Variants in RIPOR2 observed in about 807,000 individuals in gnomAD.
The protein encoded by RIPOR2 is RHO family interacting cell polarization regulator 2.
Under a neutral mutation model 114.5 loss-of-function variants are expected in RIPOR2, and 39 were observed. The ratio of observed to expected loss-of-function variants is 0.34; its 90% CI spans 0.26 to 0.44. The LOEUF (loss-of-function observed/expected upper bound fraction) is 0.44. Ranked by LOEUF, RIPOR2 falls within the 20% of genes least tolerant of loss-of-function variation. The probability of loss-of-function intolerance (pLI) is 1.00; values close to 1 mark genes in which losing one functional copy is unlikely to be tolerated. For synonymous variants in RIPOR2, 445 were observed against 484.4 expected (o/e 0.92, Z 1.07); for missense variants, 1,007 against 1,255.1 (o/e 0.80, Z 2.99).
At chr6:24,949,375 A>G (rs1772628378) in intron 1 of RIPOR2, among the ~76,000 whole-genome samples, 1 of 152,238 alleles carries the variant, frequency 6.6e-6, no homozygotes, top group African/African-American at 2.4e-5. Flanking sequence ...GTGTTTTTAC[A>G]GCAGATTTTA....
intron 21 of RIPOR2, among the ~76,000 whole-genome samples, chr6:24,806,871 C>T (rs9358800): frequency 0.31 from 46,596 of 152,018 alleles, 7,968 homozygotes; most frequent in East Asian, 0.68. Context: ...CATTATATAT[C>T]GATACATCTA....
intron 12 of RIPOR2, among the ~76,000 whole-genome samples, chr6:24,847,253 G>A (rs151015610): frequency 2.6e-5 from 4 of 152,270 alleles, no homozygotes; most frequent in African/African-American, 9.6e-5. Context: ...ATGCTGGGCC[G>A]AATGCCAGTT....
chr6:24,907,412 G>A (rs1410696660), intron 1 of RIPOR2, among the ~76,000 whole-genome samples: 2 of 152,120 alleles, frequency 1.3e-5, no homozygotes, highest in Admixed American at 1.3e-4. Flanking sequence ...TCCAGCACAG[G>A]GCCATGTGTA....
At chr6:25,006,775 G>A (rs1197306152) in intron 1 of RIPOR2, among the ~76,000 whole-genome samples, 4 of 152,244 alleles carry the variant, frequency 2.6e-5, no homozygotes, top group Non-Finnish European at 4.4e-5. Context: ...GTAAGACTGA[G>A]CTGCCAAATA....
chr6:24,891,514 TA>T (rs66763945), intron 1 of RIPOR2, among the ~76,000 whole-genome samples: 47 of 148,448 alleles, frequency 3.2e-4, no homozygotes, highest in South Asian at 1.5e-3. Context: ...AGTAACGAGA[TA>T]AAAAAAAAAG....
chr6:24,990,489 C>T (rs755296900), intron 1 of RIPOR2, among the ~76,000 whole-genome samples: 11 of 152,194 alleles, frequency 7.2e-5, no homozygotes, highest in Non-Finnish European at 1.0e-4. Context: ...AATCGTGAGT[C>T]GTACCCTGGG....
chr6:24,861,099 G>C, intron 7 of RIPOR2, 63 bp from the exon 8 acceptor site: 1 of 1,166,702 alleles, frequency 8.6e-7, no homozygotes, highest in Non-Finnish European at 1.3e-6. Flanking sequence ...CAAAGCACAC[G>C]ACGTTCGAAC....
At chr6:24,937,060 G>A (rs1771850941), upstream of RIPOR2, among the ~76,000 whole-genome samples, 1 of 152,164 alleles carries the variant, frequency 6.6e-6, no homozygotes, top group South Asian at 2.1e-4. Flanking sequence ...GAGAAATCCA[G>A]CAGTGAGAAG....
intron 1 of RIPOR2, chr6:24,877,208 C>A: frequency 2.0e-6 from 2 of 985,458 alleles, no homozygotes; most frequent in Non-Finnish European, 2.4e-6. Flanking sequence ...CTACGCGAAG[C>A]AGCTCAGCAA....
At position 24,839,231 on chromosome 6, in the gene RIPOR2, A is replaced by T; in HGVS notation, c.1899T>A (p.Ser633Arg). 2.6e-6 allele frequency: 4 copies of T among 1,551,918 alleles called. No individual in the cohort carries two copies. Among genetic ancestry groups the T allele is most frequent in the Non-Finnish European group, 3.5e-6 (4 of 1,147,022 alleles). ...AVSRSRSSSLSLTVESALESF... is the reference protein window; with the variant it reads ...AVSRSRSSSLRLTVESALESF... ...TTTCTAAAGCACTTTCAACTGTGAGACTTAAACTGGAAGACCTGCTGCGGC... is the reference window on the plus strand; with the variant it reads ...TTTCTAAAGCACTTTCAACTGTGAGTCTTAAACTGGAAGACCTGCTGCGGC... Residue 633 changes from serine (S) to arginine (R), a missense_variant, in exon 14 of 22, where the codon AGT becomes AGA. Coordinates refer to ENST00000643898, the MANE Select transcript of RIPOR2 (RefSeq NM_001286445.3).
intron 8 of RIPOR2, among the ~76,000 whole-genome samples, chr6:24,857,802 C>A (rs890840801): frequency 1.3e-5 from 2 of 152,214 alleles, no homozygotes; most frequent in Admixed American, 1.3e-4. Flanking sequence ...ATTTGGAGAA[C>A]TAGTTTGCTC....
At chr6:24,971,568 G>A (rs1281167778) in intron 1 of RIPOR2, among the ~76,000 whole-genome samples, 16 of 152,152 alleles carry the variant, frequency 1.1e-4, no homozygotes, top group Admixed American at 9.2e-4. Context: ...CTTCCTATGC[G>A]TGGTTAATAG....
intron 1 of RIPOR2, among the ~76,000 whole-genome samples, chr6:25,005,738 T>TATATATATACACACAC (rs34572978): frequency 1.4e-5 from 1 of 70,700 alleles, no homozygotes; most frequent in Non-Finnish European, 3.3e-5. Context: ...TATATATATA[T>TATATATATACACACAC]ATACATTTAC....
intron 19 of RIPOR2, among the ~76,000 whole-genome samples, chr6:24,821,438 C>G (rs1469032800): frequency 1.3e-5 from 2 of 152,186 alleles, no homozygotes; most frequent in Non-Finnish European, 2.9e-5. Flanking sequence ...CCCGCCTCGG[C>G]CTCCCAAAGT....
intron 15 of RIPOR2, among the ~76,000 whole-genome samples, chr6:24,832,709 G>A (rs1200584201): frequency 6.6e-6 from 1 of 152,210 alleles, no homozygotes; most frequent in Non-Finnish European, 1.5e-5. Flanking sequence ...GTGAGGGGCA[G>A]TTTAGGCTGT....
At chr6:24,868,429 T>C (rs533962966) in intron 6 of RIPOR2, among the ~76,000 whole-genome samples, 4 of 152,262 alleles carry the variant, frequency 2.6e-5, no homozygotes, top group African/African-American at 9.6e-5. Context: ...AATGGTGTGA[T>C]TTAGCTGCCT....
intron 7 of RIPOR2, among the ~76,000 whole-genome samples, chr6:24,862,793 C>A (rs1022545870): frequency 1.1e-4 from 13 of 115,650 alleles, no homozygotes; most frequent in Non-Finnish European, 2.1e-4. Flanking sequence ...TTTCCTCCCC[C>A]GACCACTGGC....
chr6:24,956,866 C>T (rs780423196), intron 1 of RIPOR2, among the ~76,000 whole-genome samples: 6 of 152,192 alleles, frequency 3.9e-5, no homozygotes, highest in African/African-American at 1.2e-4. Flanking sequence ...CTTTCGATTA[C>T]CAGTTGCACG....
chr6:24,953,524 C>T (rs763872612), intron 1 of RIPOR2, among the ~76,000 whole-genome samples: 4 of 152,130 alleles, frequency 2.6e-5, no homozygotes, highest in Non-Finnish European at 4.4e-5. Flanking sequence ...CACCAGAAAG[C>T]GAATCAGCTG....
Sources: allele counts gnomAD v4.1 joint callset (sites outside exome capture counted in the v4.1 genomes callset), GRCh38; gene constraint gnomAD v4.1.1; transcripts MANE v1.5; gene names NCBI Gene and HGNC (gene_info 2026-07-23, HGNC 2026-07-21).